HNRNPM: variants seen among roughly 807,000 people sequenced by gnomAD.
HNRNPM encodes the protein heterogeneous nuclear ribonucleoprotein M, also known as CEA receptor.
HNRNPM carries 11 observed loss-of-function variants against 73.1 expected under a neutral mutation model. The observed-to-expected ratio is 0.15, with a 90% CI of 0.09 to 0.25. The LOEUF is 0.25. Among genes scored for constraint, HNRNPM ranks in the 10% least tolerant of loss-of-function variants. HNRNPM has a pLI of 1.00. For synonymous variants in HNRNPM, 407 were observed against 355.2 expected (o/e 1.15, Z -1.64); for missense variants, 789 against 1,067.9 (o/e 0.74, Z 3.64).
intron 1 of HNRNPM, among the ~76,000 whole-genome samples, chr19:8,449,421 T>A (rs1277369223): frequency 6.6e-6 from 1 of 152,230 alleles, no homozygotes; most frequent in Non-Finnish European, 1.5e-5. Flanking sequence ...TCTGGTTTGC[T>A]AGTTTTAAAG....
At chr19:8,450,993 G>A (rs1331466234) in intron 1 of HNRNPM, among the ~76,000 whole-genome samples, 1 of 151,982 alleles carries the variant, frequency 6.6e-6, no homozygotes, top group Non-Finnish European at 1.5e-5. Flanking sequence ...TGCAACCCCC[G>A]CCTCCTGTGT....
At position 8,471,342 on chromosome 19, in the gene HNRNPM, T is replaced by A. The variant is rs143047417; in HGVS notation, c.912T>A (p.Ile304=). The A allele has an allele frequency of 3.9e-4, 625 of 1,586,442 alleles. 1 individual carries two copies. The highest frequency in any genetic ancestry group is 5.0e-4 in the Non-Finnish European group (588 of 1,167,314). ...PQQLPHGLGG[I]GMGLGPGGQP... Reference sequence around the variant, plus strand: ...TCTTTCCAGATGGCCTTGGTGGTATTGGCATGGGGTTAGGACCAGGAGGGC... The same window carrying A: ...TCTTTCCAGATGGCCTTGGTGGTATAGGCATGGGGTTAGGACCAGGAGGGC... Residue 304 remains isoleucine, a synonymous_variant, in exon 10 of 16, where the codon ATT becomes ATA. Coordinates refer to ENST00000325495, the MANE Select transcript of HNRNPM (RefSeq NM_005968.5).
rs79361356 is a variant in HNRNPM at position 8,459,085 on chromosome 19, C to A, written c.284-3444C>A. Reference sequence around the variant, plus strand: ...CGGGATTAGGCACCCACCACCACGCCGAGTTAATTTTTGTATTTTTAGTAA... The same window carrying A: ...CGGGATTAGGCACCCACCACCACGCAGAGTTAATTTTTGTATTTTTAGTAA... On this transcript the variant is annotated intron_variant, in intron 2 of 15. Transcript: ENST00000325495. Among the ~76,000 whole-genome samples, 40 of 152,184 alleles carry A rather than the reference C, an allele frequency of 2.6e-4. No homozygotes were observed. In the South Asian group the frequency reaches 7.5e-3, roughly 28 times the overall value.
chr19:8,465,297 A>G (rs746588783), intron 5 of HNRNPM, 27 bp from the exon 6 acceptor site: 11 of 1,577,364 alleles, frequency 7.0e-6, no homozygotes, highest in Non-Finnish European at 9.5e-6. Flanking sequence ...GGTCAGTTAA[A>G]CGTAACACCT....
chr19:8,459,382 T>C (rs1354053322), intron 2 of HNRNPM, among the ~76,000 whole-genome samples: 1 of 152,234 alleles, frequency 6.6e-6, no homozygotes, highest in Admixed American at 6.5e-5. Flanking sequence ...GGCTCAGTCA[T>C]TTCCTAACAT....
chr19:8,479,679 A>G (rs1045128553), intron 12 of HNRNPM, among the ~76,000 whole-genome samples: 16 of 151,400 alleles, frequency 1.1e-4, no homozygotes, highest in African/African-American at 3.4e-4. Context: ...CCTGGGCTCA[A>G]GTGATCCTCC....
chr19:8,486,922 G>C, intron 14 of HNRNPM, 102 bp from the exon 15 acceptor site: 3 of 891,674 alleles, frequency 3.4e-6, no homozygotes, highest in Non-Finnish European at 5.7e-6. Flanking sequence ...CCAGCTTCTC[G>C]GTATAGTGAG....
chr19:8,488,667 T>A (rs1971493175), intron 15 of HNRNPM, 24 bp from the exon 16 acceptor site: 1 of 1,596,530 alleles, frequency 6.3e-7, no homozygotes, highest in Non-Finnish European at 8.6e-7. Context: ...CTGAGTGTCG[T>A]CTCTTCTTCC....
intron 8 of HNRNPM, among the ~76,000 whole-genome samples, chr19:8,468,176 G>A (rs1969887638): frequency 6.6e-6 from 1 of 152,216 alleles, no homozygotes; most frequent in African/African-American, 2.4e-5. Context: ...TTCAAAGAAT[G>A]GTTATATATG....
At position 8,486,246 on chromosome 19, in the gene HNRNPM, C is replaced by T; in HGVS notation, c.1818C>T (p.Arg606=). ...CGGCCCTGGGCGCTGGCATTGAGCG[C>T]ATGGGCCTGGCCATGGGTGGCGGTG... is the stretch of plus-strand genomic sequence containing the variant. ...MGPALGAGIE[R]MGLAMGGGGG... The change falls in exon 14 of 16, where the codon CGC becomes CGT. Residue 606 remains arginine (R), a synonymous_variant. Transcript: ENST00000325495. 3 of 1,602,874 alleles carry T rather than the reference C, an allele frequency of 1.9e-6. No individual in the cohort carries two copies. Among genetic ancestry groups the T allele is most frequent in the South Asian group, 1.1e-5 (1 of 90,990 alleles).
chr19:8,459,751 A>AT (rs1369133263), intron 2 of HNRNPM, among the ~76,000 whole-genome samples: 6 of 152,098 alleles, frequency 3.9e-5, no homozygotes, highest in African/African-American at 1.4e-4. Flanking sequence ...GCTCCCAGGG[A>AT]CCGCCTGAGT....
chr19:8,488,426 G>T, intron 15 of HNRNPM: 1 of 386,088 alleles, frequency 2.6e-6, no homozygotes, highest in Non-Finnish European at 4.7e-6. Flanking sequence ...CTATAAAGCT[G>T]GCTTTACACT....
At chr19:8,459,207 C>G (rs1399327293) in intron 2 of HNRNPM, among the ~76,000 whole-genome samples, 1 of 152,164 alleles carries the variant, frequency 6.6e-6, no homozygotes, top group South Asian at 2.1e-4. Flanking sequence ...GATTACAGGC[C>G]TGGCCGCAGC....
At chr19:8,451,819 A>G (rs1319009440) in intron 1 of HNRNPM, among the ~76,000 whole-genome samples, 1 of 152,166 alleles carries the variant, frequency 6.6e-6, no homozygotes, top group Non-Finnish European at 1.5e-5. Flanking sequence ...GGCATGAGCC[A>G]CCATGGCCAG....
Position 8,467,567 on chromosome 19 carries a change from C to G in HNRNPM, c.817C>G (p.Pro273Ala). ...CAATGGCCAGCTGCTATTTGATAGACCAATGCACGTCAAGATGGTAAGTCA... is the reference window on the plus strand; with the variant it reads ...CAATGGCCAGCTGCTATTTGATAGAGCAATGCACGTCAAGATGGTAAGTCA... ...MFNGQLLFDR[P>A]MHVKMDERAL... is the part of the protein sequence containing the mutation. Residue 273 changes from proline (P) to alanine (A), a missense_variant, in exon 8 of 16, where the codon CCA becomes GCA. Around this residue, in one of 4 missense-constraint regions of HNRNPM, gnomAD observed 604 missense variants for 744.0 expected, o/e 0.81. Transcript: ENST00000325495. The G allele has an allele frequency of 6.2e-7, 1 of 1,611,436 alleles. No homozygotes were observed. Among genetic ancestry groups the G allele is most frequent in the Non-Finnish European group, 8.5e-7 (1 of 1,177,638 alleles).
At chr19:8,463,250 C>T (rs1333073459) in intron 3 of HNRNPM, among the ~76,000 whole-genome samples, 2 of 152,144 alleles carry the variant, frequency 1.3e-5, no homozygotes, top group African/African-American at 4.8e-5. Context: ...TATTAAATGT[C>T]AGCAGCTCTA....
chr19:8,451,746 G>T (rs918254585), intron 1 of HNRNPM, among the ~76,000 whole-genome samples: 2 of 152,032 alleles, frequency 1.3e-5, no homozygotes, highest in South Asian at 2.1e-4. Flanking sequence ...ACCCAGGCTG[G>T]TCTCAAGACT....
intron 5 of HNRNPM, 38 bp downstream of exon 5, chr19:8,463,724 T>C: frequency 7.5e-7 from 1 of 1,341,604 alleles, no homozygotes; most frequent in Non-Finnish European, 1.1e-6. Flanking sequence ...CTGTGTGTAA[T>C]TGTTGAGTGA....
At chr19:8,448,927 A>T (rs1968416975) in intron 1 of HNRNPM, among the ~76,000 whole-genome samples, 1 of 152,302 alleles carries the variant, frequency 6.6e-6, no homozygotes, top group Admixed American at 6.5e-5. Context: ...CGTTTTAAAC[A>T]CTTAAACCCA....
Sources: allele counts gnomAD v4.1 joint callset (sites outside exome capture counted in the v4.1 genomes callset), GRCh38; gene constraint gnomAD v4.1.1; regional missense constraint gnomAD v4.1.1; transcripts MANE v1.5; gene names NCBI Gene and HGNC (gene_info 2026-07-23, HGNC 2026-07-21).